The following KIF6 variants were observed in gnomAD, a reference collection of about 807,000 sequenced individuals.
KIF6 encodes kinesin-like protein KIF6.
Under a neutral mutation model 112.7 loss-of-function variants are expected in KIF6, and 106 were observed. That is an observed-to-expected ratio of 0.94 (90% CI 0.80 to 1.11). The LOEUF (loss-of-function observed/expected upper bound fraction) is 1.11, where lower values mean the gene tolerates loss of function less well. Ranked by LOEUF, KIF6 falls within the 50% of genes least tolerant of loss-of-function variation. The pLI, the probability that KIF6 is intolerant of heterozygous loss-of-function variation, is 0.00. For synonymous variants in KIF6, 339 were observed against 339.9 expected (o/e 1.00, Z 0.03); for missense variants, 929 against 964.0 (o/e 0.96, Z 0.48).
At chr6:39,534,205 G>A (rs916247383) in intron 13 of KIF6, among the ~76,000 whole-genome samples, 5 of 152,222 alleles carry the variant, frequency 3.3e-5, no homozygotes, top group African/African-American at 1.2e-4. Context: ...GAACAAAGCT[G>A]GACGGAGAAT....
intron 3 of KIF6, among the ~76,000 whole-genome samples, chr6:39,705,750 C>G (rs978478385): frequency 6.6e-6 from 1 of 152,320 alleles, no homozygotes. Flanking sequence ...TGGGACAACT[C>G]TGAGACATGT....
intron 16 of KIF6, among the ~76,000 whole-genome samples, chr6:39,365,353 T>C (rs889050097): frequency 7.9e-5 from 12 of 152,196 alleles, no homozygotes; most frequent in African/African-American, 2.7e-4. Flanking sequence ...GTGCAATTTA[T>C]TGGCTCAGAT....
chr6:39,702,883 G>A (rs1372776921), intron 3 of KIF6, among the ~76,000 whole-genome samples: 1 of 56,194 alleles, frequency 1.8e-5, no homozygotes, highest in Non-Finnish European at 4.1e-5. Context: ...ATAAACAAAA[G>A]GAAGAAATGT....
chr6:39,524,345 T>C (rs1221645357), intron 13 of KIF6, among the ~76,000 whole-genome samples: 1 of 152,214 alleles, frequency 6.6e-6, no homozygotes, highest in Non-Finnish European at 1.5e-5. Context: ...GCCATATTAC[T>C]ATAGAGTTAC....
At chr6:39,673,761 A>C (rs773815464) in intron 3 of KIF6, among the ~76,000 whole-genome samples, 3 of 152,208 alleles carry the variant, frequency 2.0e-5, no homozygotes, top group Non-Finnish European at 2.9e-5. Flanking sequence ...CTGATGAATG[A>C]ATGTTGTTTG....
chr6:39,677,335 A>T (rs1582427800), intron 3 of KIF6, among the ~76,000 whole-genome samples: 1 of 152,208 alleles, frequency 6.6e-6, no homozygotes, highest in East Asian at 1.9e-4. Context: ...AAGTAGAAAT[A>T]TATGCATCTG....
At chr6:39,668,027 T>G (rs1232193307) in intron 3 of KIF6, among the ~76,000 whole-genome samples, 1 of 152,068 alleles carries the variant, frequency 6.6e-6, no homozygotes, top group Non-Finnish European at 1.5e-5. Context: ...CCTCTTTCTC[T>G]TACTCCAGCT....
intron 3 of KIF6, among the ~76,000 whole-genome samples, chr6:39,668,240 A>C (rs1185634728): frequency 1.3e-5 from 2 of 152,214 alleles, no homozygotes; most frequent in Non-Finnish European, 2.9e-5. Context: ...CATGTCTTTC[A>C]GAATTATGAT....
intron 14 of KIF6, among the ~76,000 whole-genome samples, chr6:39,429,330 A>G (rs905366934): frequency 2.6e-5 from 4 of 152,086 alleles, no homozygotes; most frequent in African/African-American, 9.7e-5. Context: ...TTTCACAGAG[A>G]AAACTTAGGT....
chr6:39,538,187 C>A (rs751770767), intron 13 of KIF6, among the ~76,000 whole-genome samples: 5 of 151,026 alleles, frequency 3.3e-5, no homozygotes, highest in African/African-American at 4.9e-5. Flanking sequence ...ACACCAAAAG[C>A]AATGGAACAA....
At chr6:39,346,132 C>CCCCCCCCT (rs1554196915) in intron 20 of KIF6, among the ~76,000 whole-genome samples, 4 of 26,916 alleles carry the variant, frequency 1.5e-4, no homozygotes, top group African/African-American at 5.9e-4. Flanking sequence ...CCTCCCTCTC[C>CCCCCCCCT]CTCTCTCTCT....
At chr6:39,543,252 G>A (rs186613945) in intron 12 of KIF6, among the ~76,000 whole-genome samples, 7 of 152,290 alleles carry the variant, frequency 4.6e-5, no homozygotes, top group Admixed American at 3.9e-4. Flanking sequence ...CTCAGACTGG[G>A]GCTGGGGCCA....
chr6:39,446,796 GT>G (rs1772358953), intron 13 of KIF6, among the ~76,000 whole-genome samples: 1 of 152,020 alleles, frequency 6.6e-6, no homozygotes, highest in Non-Finnish European at 1.5e-5. Context: ...GGCCAAAATT[GT>G]TTTTCTTAAA....
intron 10 of KIF6, 58 bp from the exon 11 acceptor site, chr6:39,545,746 T>C: frequency 2.0e-6 from 2 of 1,024,668 alleles, no homozygotes; most frequent in Admixed American, 1.7e-5. Flanking sequence ...AAAATTCTAA[T>C]GGCATTATCT....
At chr6:39,493,108 C>T (rs1775567027) in intron 13 of KIF6, among the ~76,000 whole-genome samples, 2 of 152,172 alleles carry the variant, frequency 1.3e-5, no homozygotes, top group African/African-American at 4.8e-5. Context: ...TACACCTTTC[C>T]TCCTTCTACA....
At chr6:39,500,598 C>T (rs1202066646) in intron 13 of KIF6, among the ~76,000 whole-genome samples, 1 of 152,194 alleles carries the variant, frequency 6.6e-6, no homozygotes, top group Non-Finnish European at 1.5e-5. Context: ...AACCTTTCTC[C>T]TCCTGGGTTC....
At chr6:39,513,941 A>C (rs1054416544) in intron 13 of KIF6, among the ~76,000 whole-genome samples, 1 of 152,246 alleles carries the variant, frequency 6.6e-6, no homozygotes, top group African/African-American at 2.4e-5. Context: ...AAGTTTTTAC[A>C]TAAAGTGGTG....
intron 10 of KIF6, among the ~76,000 whole-genome samples, chr6:39,574,321 T>C (rs1177008998): frequency 2.0e-5 from 3 of 152,240 alleles, no homozygotes; most frequent in Admixed American, 2.0e-4. Context: ...ATTTTTCTTT[T>C]GTTAAATTAC....
chr6:39,644,108 CA>C, intron 3 of KIF6, among the ~76,000 whole-genome samples: 1 of 151,624 alleles, frequency 6.6e-6, no homozygotes, highest in Non-Finnish European at 1.5e-5. Context: ...TAGGGAAATG[CA>C]AGTCAAAATC....
Sources: allele counts gnomAD v4.1 joint callset (sites outside exome capture counted in the v4.1 genomes callset), GRCh38; gene constraint gnomAD v4.1.1; transcripts MANE v1.5; gene names NCBI Gene and HGNC (gene_info 2026-07-23, HGNC 2026-07-21).